The following ZNF561 variants were observed in gnomAD, a reference collection of about 807,000 sequenced individuals.
ZNF561 encodes the protein zinc finger protein 561.
In ZNF561, 16 loss-of-function variants were observed where a neutral mutation model predicts 16.7. That is an observed-to-expected ratio of 0.96 (90% confidence interval 0.65 to 1.45). The LOEUF is 1.45. Ranked by LOEUF, ZNF561 falls within the 40% of genes most tolerant of loss-of-function variation. ZNF561 has a pLI of 0.00. For synonymous variants in ZNF561, 190 were observed against 192.1 expected, an observed-to-expected ratio of 0.99 and a Z score of 0.09; for missense variants, 580 against 578.0, an observed-to-expected ratio of 1.00 and a Z score of -0.04.
At position 9,620,115 on chromosome 19, in the gene ZNF561, A is replaced by G. The variant is rs551031936; in HGVS notation, c.-126-533T>C. ...TATTATTATTATTATTTTGAGACAG[A>G]GTCTCACTCTGTTGCCCAGGCTGGA... On this transcript the variant is annotated intron_variant, in intron 1 of 5. Coordinates refer to ENST00000302851, the MANE Select transcript of ZNF561 (RefSeq NM_152289.3). 5.3e-5 allele frequency among the ~76,000 whole-genome samples: 8 copies of G among 151,698 alleles called. 1 individual carries two copies. The East Asian group carries it at 1.6e-3, about 29-fold the overall frequency.
chr19:9,611,152 T>C lies in ZNF561; in HGVS notation c.509A>G (p.Lys170Arg). ...AAAGACTTTTCCACATGGATTAAAT[T>C]TGGAAAGTTCCTGTCCAGTAGAGGC... ...KEASTGQELS[K>R]FNPCGKVFTL... Residue 170 changes from lysine (K) to arginine (R), a missense_variant, in exon 6 of 6, where the codon AAA becomes AGA. Lys to Arg is a conservative substitution (Grantham distance 26). Coordinates refer to ENST00000302851, the MANE Select transcript of ZNF561 (RefSeq NM_152289.3). 6.2e-7 allele frequency: 1 copy of C among 1,614,014 alleles called. No homozygotes were observed. Among genetic ancestry groups the C allele is most frequent in the Non-Finnish European group, 8.5e-7 (1 of 1,179,890 alleles).
rs777982572 is a variant in ZNF561 at position 9,617,063 on chromosome 19, T to C, written c.223A>G (p.Met75Val). Residue 75 changes from methionine (M) to valine (V), a missense_variant, in exon 4 of 6, where the codon ATG becomes GTG. Physicochemically the swap from Met to Val is conservative, Grantham distance 21 (BLOSUM62 1). Coordinates refer to ENST00000302851, the MANE Select transcript of ZNF561 (RefSeq NM_152289.3). ...CTCTTACCCACAGAGGCCAGGTTCA[T>C]GTAGTTCTCCAGCATCACATCTCTG... is the stretch of plus-strand genomic sequence containing the variant. ...LYRDVMLENYMNLASVEWEIQ... is the reference protein window; with the variant it reads ...LYRDVMLENYVNLASVEWEIQ... 2.5e-6 allele frequency: 4 copies of C among 1,612,566 alleles called. No homozygotes were observed. The highest frequency in any genetic ancestry group is 3.3e-5 in the Admixed American group (2 of 59,964).
chr19:9,613,956 T>G (rs1270957108), intron 5 of ZNF561, 65 bp downstream of exon 5: 2 of 1,590,528 alleles, frequency 1.3e-6, no homozygotes, highest in Non-Finnish European at 1.7e-6. Context: ...GAGCTGATTT[T>G]CTAGAATGGA....
At chr19:9,614,164 G>C in intron 4 of ZNF561, 61 bp from the exon 5 acceptor site, 1 of 1,576,064 alleles carries the variant, frequency 6.3e-7, no homozygotes, top group Non-Finnish European at 8.7e-7. Context: ...TTTAAAATGA[G>C]TCATTTTTAC....
intron 3 of ZNF561, 33 bp downstream of exon 3, chr19:9,618,058 A>G (rs776244587): frequency 1.3e-6 from 2 of 1,532,278 alleles, no homozygotes; most frequent in Non-Finnish European, 8.8e-7. Flanking sequence ...ATGAAAGCAT[A>G]TCATTTTTAA....
intron 5 of ZNF561, 37 bp from the exon 6 acceptor site, chr19:9,611,373 AG>A: frequency 6.4e-7 from 1 of 1,560,816 alleles, no homozygotes; most frequent in African/African-American, 1.4e-5. Flanking sequence ...AAACATTTTC[AG>A]ACATATTAAG....
rs757359532 is a variant in ZNF561 at position 9,610,693 on chromosome 19, T to A, written c.968A>T (p.Gln323Leu). 2 of 1,614,070 alleles carry A rather than the reference T, an allele frequency of 1.2e-6. No homozygotes were observed. Among genetic ancestry groups the A allele is most frequent in the East Asian group, 4.5e-5 (2 of 44,882 alleles). The change falls in exon 6 of 6, where the codon CAA (glutamine) becomes CTA (leucine). Residue 323 changes from glutamine (Q) to leucine (L), a missense_variant. Physicochemically the swap from Gln to Leu is moderately radical, Grantham distance 113. Coordinates refer to ENST00000302851, the MANE Select transcript of ZNF561 (RefSeq NM_152289.3). ...GTGAGTTCTTACATGTTCAGTAAGT[T>A]GAGTTGATCTAGTGAAGGCTTTCCC... ...YCGKAFTRST[Q>L]LTEHVRTHTG...
chr19:9,619,927 T>G (rs1205331342), intron 1 of ZNF561, among the ~76,000 whole-genome samples: 1 of 137,934 alleles, frequency 7.2e-6, no homozygotes, highest in Non-Finnish European at 1.6e-5. Context: ...CTATCCTATC[T>G]ATCTATCTAT....
chr19:9,610,459 G>T lies in ZNF561; in HGVS notation c.1202C>A (p.Thr401Asn), dbSNP rs752256150. ...KPYECVECGK[T>N]FITSSRRSKH... Reference sequence around the variant, plus strand: ...ACTACGACGGGAAGAAGTAATGAAGGTCTTCCCACATTCAACACATTCATA... The same window carrying T: ...ACTACGACGGGAAGAAGTAATGAAGTTCTTCCCACATTCAACACATTCATA... Residue 401 changes from threonine (T) to asparagine (N), a missense_variant, in exon 6 of 6, where the codon ACC (threonine) becomes AAC (asparagine). Transcript: ENST00000302851. The T allele has an allele frequency of 2.5e-6, 4 of 1,611,992 alleles. No individual in the cohort carries two copies. Among genetic ancestry groups the T allele is most frequent in the East Asian group, 2.2e-5 (1 of 44,874 alleles).
chr19:9,611,906 C>T (rs1172204657), intron 5 of ZNF561, among the ~76,000 whole-genome samples: 1 of 152,144 alleles, frequency 6.6e-6, no homozygotes, highest in Non-Finnish European at 1.5e-5. Context: ...ACCCTCATGT[C>T]TGGCCAATCT....
chr19:9,619,877 C>CTATCTATCTA (rs2074631543), intron 1 of ZNF561, among the ~76,000 whole-genome samples: 1 of 148,766 alleles, frequency 6.7e-6, no homozygotes, highest in Non-Finnish European at 1.5e-5. Flanking sequence ...CTATCTATAT[C>CTATCTATCTA]TATCTATCTA....
Position 9,609,609 on chromosome 19 carries a change from G to T in ZNF561, c.*591C>A, listed in dbSNP as rs1252127930. ...TGAGAAGAGAGACTGGATTATACTA[G>T]AAGAGACATTGCCACTTACATTGTG... On this transcript the variant is annotated 3_prime_UTR_variant, in exon 6 of 6. Transcript: ENST00000302851. The T allele has an allele frequency of 6.5e-6, 1 of 152,754 alleles. No homozygotes were observed. The highest frequency in any genetic ancestry group is 2.4e-5 in the African/African-American group (1 of 41,452). The allele number at this position is 152,754 out of a possible 1,614,324, so 9.5% of individuals were successfully genotyped here.
chr19:9,613,926 T>C, intron 5 of ZNF561, 95 bp downstream of exon 5: 3 of 1,467,214 alleles, frequency 2.0e-6, no homozygotes. Flanking sequence ...GGATTACAGA[T>C]GTAAGCCACA....
At position 9,612,572 on chromosome 19, in the gene ZNF561, ACT is replaced by A. The variant is rs2074480761; in HGVS notation, c.325-1238_325-1237del. On this transcript the variant is annotated intron_variant, in intron 5 of 5. Transcript: ENST00000302851. ...ACTATGTAGCCTAGGCTGATCTCAA[ACT>A]CTTCACAAAACCCCACTGCCTCAGC... Among the ~76,000 whole-genome samples the A allele has an allele frequency of 2.0e-5, 3 of 150,772 alleles. No individual in the cohort carries two copies. The South Asian group carries it at 6.3e-4, about 32-fold the overall frequency.
chr19:9,621,024 G>A (rs1432526435), intron 1 of ZNF561, 138 bp downstream of exon 1: 1 of 152,398 alleles, frequency 6.6e-6, no homozygotes, highest in Non-Finnish European at 1.5e-5. Context: ...TCTCCGAACT[G>A]GACGCACAGG....
chr19:9,613,579 T>C (rs2074500023), intron 5 of ZNF561, among the ~76,000 whole-genome samples: 1 of 152,056 alleles, frequency 6.6e-6, no homozygotes, highest in East Asian at 1.9e-4. Flanking sequence ...AATGCAGTGG[T>C]GCAATCTCAG....
chr19:9,618,115 C>T lies in ZNF561; in HGVS notation c.90G>A (p.Glu30=), dbSNP rs768302351. Residue 30 remains glutamate (E), a synonymous_variant, in exon 3 of 6, where the codon GAG becomes GAA. Transcript: ENST00000302851. ...CCTGATAACCACTTGCCAGGTAGTC[C>T]TCCACCATCCTTTCTACCTTTGTCT... ...EEKTKVERMV[E]DYLASGYQDS... is the part of the protein sequence containing the mutation. 2.6e-6 allele frequency: 4 copies of T among 1,551,138 alleles called. No homozygotes were observed. In the African/African-American group the frequency reaches 5.5e-5, roughly 21 times the overall value.
chr19:9,613,186 T>C (rs968702985), intron 5 of ZNF561, among the ~76,000 whole-genome samples: 1 of 152,238 alleles, frequency 6.6e-6, no homozygotes, highest in African/African-American at 2.4e-5. Context: ...TGACAAGTTA[T>C]ACAGATATGG....
In ZNF561 at chr19:9,610,541, A is replaced by C; in HGVS notation, c.1120T>G (p.Phe374Val). The C allele has an allele frequency of 6.2e-7, 1 of 1,613,968 alleles. No individual in the cohort carries two copies. Among genetic ancestry groups the C allele is most frequent in the Non-Finnish European group, 8.5e-7 (1 of 1,179,872 alleles). ...TGAATAAGACTTGTGGATGTAGTGA[A>C]GGCTTTCCCACATTCCTTACACTGA... ...PYQCKECGKA[F>V]TTSTSLIQHT... The change falls in exon 6 of 6, where the codon TTC (phenylalanine) becomes GTC (valine). Residue 374 changes from phenylalanine to valine, a missense_variant. Phe to Val is a conservative substitution (Grantham distance 50, BLOSUM62 -1). Transcript: ENST00000302851.
Sources: gnomAD v4.1 joint callset for allele counts (sites outside exome capture counted in the v4.1 genomes callset) on GRCh38, gnomAD v4.1.1 for gene constraint, MANE v1.5 for transcripts, NCBI Gene and HGNC (gene_info 2026-07-23, HGNC 2026-07-21) for gene names.